PRKN: variants seen among roughly 807,000 people sequenced by gnomAD.
PRKN encodes E3 ubiquitin-protein ligase parkin.
PRKN carries 56 observed loss-of-function variants against 59.5 expected under a neutral mutation model. The observed-to-expected ratio is 0.94, with a 90% confidence interval of 0.76 to 1.18. The LOEUF (loss-of-function observed/expected upper bound fraction) is 1.18. Ranked by LOEUF, PRKN falls within the 50% of genes most tolerant of loss-of-function variation. PRKN has a pLI of 0.00. For synonymous variants in PRKN, 250 were observed against 222.1 expected, an observed-to-expected ratio of 1.13 and a Z score of -1.12; for missense variants, 657 against 596.4, an observed-to-expected ratio of 1.10 and a Z score of -1.06.
intron 2 of PRKN, among the ~76,000 whole-genome samples, chr6:162,322,975 A>G (rs1783094519): frequency 6.6e-6 from 1 of 150,834 alleles, no homozygotes; most frequent in Non-Finnish European, 1.5e-5. Context: ...ACAAGAATGA[A>G]AAACCAAACA....
chr6:162,631,475 T>C (rs1340185415), intron 1 of PRKN, among the ~76,000 whole-genome samples: 1 of 152,238 alleles, frequency 6.6e-6, no homozygotes, highest in Non-Finnish European at 1.5e-5. Flanking sequence ...GGTTTGTTGG[T>C]AGCTTGCATG....
intron 3 of PRKN, among the ~76,000 whole-genome samples, chr6:162,244,749 G>C (rs1257091147): frequency 1.3e-5 from 2 of 152,074 alleles, no homozygotes; most frequent in Non-Finnish European, 2.9e-5. Context: ...AAATCATGAT[G>C]ACTCTAATGA....
intron 2 of PRKN, among the ~76,000 whole-genome samples, chr6:162,384,647 TAAA>T (rs774251208): frequency 1.1e-5 from 1 of 93,434 alleles, no homozygotes; most frequent in Non-Finnish European, 2.3e-5. Flanking sequence ...CTTCAATTTG[TAAA>T]AAAAAAAAAA....
chr6:161,640,109 C>T (rs1031791465), intron 7 of PRKN, among the ~76,000 whole-genome samples: 2 of 152,150 alleles, frequency 1.3e-5, no homozygotes, highest in African/African-American at 4.8e-5. Flanking sequence ...ATTCTTCTTT[C>T]ACACTTTTTG....
Position 162,700,200 on chromosome 6 carries a change from T to A in PRKN, c.7+27462A>T, listed in dbSNP as rs1290431980. Reference sequence around the variant, plus strand: ...TGCAATTGCCCCATGCTTAGGCATGTTAAACAAATTTGTAAGTCTTCTTCT... The same window carrying A: ...TGCAATTGCCCCATGCTTAGGCATGATAAACAAATTTGTAAGTCTTCTTCT... On this transcript the variant is annotated intron_variant, in intron 1 of 11. Coordinates refer to ENST00000366898, the MANE Select transcript of PRKN (RefSeq NM_004562.3). 2.0e-5 allele frequency among the ~76,000 whole-genome samples: 3 copies of A among 152,196 alleles called. No individual in the cohort carries two copies. The East Asian group carries it at 5.8e-4, about 29-fold the overall frequency.
At chr6:162,231,615 C>T (rs1778419401) in intron 3 of PRKN, among the ~76,000 whole-genome samples, 1 of 152,116 alleles carries the variant, frequency 6.6e-6, no homozygotes, top group African/African-American at 2.4e-5. Context: ...ACAATTTGAT[C>T]ATTTGGGAAA....
chr6:162,259,437 A>G (rs1779792293), intron 3 of PRKN, among the ~76,000 whole-genome samples: 1 of 152,110 alleles, frequency 6.6e-6, no homozygotes, highest in Middle Eastern at 3.2e-3. Flanking sequence ...CAGAAAAAGA[A>G]TGAAAGAAGA....
At chr6:161,509,549 C>T (rs1445017239) in intron 9 of PRKN, among the ~76,000 whole-genome samples, 1 of 151,652 alleles carries the variant, frequency 6.6e-6, no homozygotes, top group Non-Finnish European at 1.5e-5. Context: ...CATGAGAATG[C>T]CCATCTAGTG....
rs1198392647 is a variant in PRKN, at chr6:161,487,779, C to A, written c.1083+61075G>T. ...GCTCATTGCTTTGGGCATACCCTGCCTCCAGCATGAAGTCTGGCACTAGGA... is the reference window on the plus strand; with the variant it reads ...GCTCATTGCTTTGGGCATACCCTGCATCCAGCATGAAGTCTGGCACTAGGA... On this transcript the variant is annotated intron_variant, in intron 9 of 11. Transcript: ENST00000366898. This position sits in a 1 kb window ranked among gnomAD's most constrained non-coding sequence, Gnocchi z 5.3. Among the ~76,000 whole-genome samples the A allele has an allele frequency of 3.9e-5, 6 of 152,152 alleles. No individual in the cohort carries two copies. Among genetic ancestry groups the A allele is most frequent in the Admixed American group, 1.3e-4 (2 of 15,278 alleles).
Position 161,384,433 on chromosome 6 carries a change from C to A in PRKN, c.1167+2361G>T, listed in dbSNP as rs552294176. On this transcript the variant is annotated intron_variant, in intron 10 of 11. Transcript: ENST00000366898. The stretch of plus-strand genomic sequence containing the variant: ...TGGCATGTGCCTGCAGTTCCAGTTA[C>A]TTGGGAGGCTGAGGTGGCAGGGTTG... Among the ~76,000 whole-genome samples, 7 of 151,976 alleles carry A rather than the reference C, an allele frequency of 4.6e-5. No homozygotes were observed. The South Asian group carries it at 1.5e-3, about 32-fold the overall frequency.
chr6:162,294,879 T>C, intron 2 of PRKN, among the ~76,000 whole-genome samples: 1 of 152,324 alleles, frequency 6.6e-6, no homozygotes, highest in East Asian at 1.9e-4. Flanking sequence ...ACTGAAATAC[T>C]GCACTCACTT....
intron 1 of PRKN, chr6:162,624,427 C>T (rs1222934319): frequency 6.6e-6 from 1 of 151,874 alleles, no homozygotes; most frequent in Non-Finnish European, 1.5e-5. Flanking sequence ...TCCATGTAAC[C>T]ACAGCAATGC....
intron 2 of PRKN, among the ~76,000 whole-genome samples, chr6:162,306,399 G>A (rs1010020601): frequency 6.6e-6 from 1 of 152,158 alleles, no homozygotes; most frequent in Admixed American, 6.5e-5. Flanking sequence ...TCCAATATGA[G>A]TAATTACTTC....
intron 9 of PRKN, among the ~76,000 whole-genome samples, chr6:161,430,734 G>A (rs924856365): frequency 6.8e-5 from 10 of 147,276 alleles, no homozygotes; most frequent in African/African-American, 2.5e-4. Context: ...AGAATGGCGT[G>A]AACCTGGGAG....
chr6:162,626,814 CA>C (rs5881483), intron 1 of PRKN, among the ~76,000 whole-genome samples: 98,588 of 133,790 alleles, frequency 0.74, 34,859 homozygotes, highest in African/African-American at 0.77. Context: ...ACTCTGTCTC[CA>C]AAAAAAAAAA....
intron 4 of PRKN, among the ~76,000 whole-genome samples, chr6:162,110,492 G>A (rs920421140): frequency 5.9e-5 from 9 of 152,318 alleles, no homozygotes; most frequent in African/African-American, 1.9e-4. Context: ...GTTCTTTAAA[G>A]AAGAATGCTA....
intron 1 of PRKN, among the ~76,000 whole-genome samples, chr6:162,570,852 A>G (rs1307547241): frequency 1.3e-5 from 2 of 152,146 alleles, no homozygotes; most frequent in Non-Finnish European, 2.9e-5. Context: ...AATAGAATGA[A>G]TAAGACCTAC....
rs1012338779 is a variant in PRKN at position 161,538,459 on chromosome 6, C to T, written c.1083+10395G>A. On this transcript the variant is annotated intron_variant, in intron 9 of 11. Coordinates refer to ENST00000366898, the MANE Select transcript of PRKN (RefSeq NM_004562.3). The surrounding 1 kb of genome is among the most constrained non-coding windows in gnomAD (Gnocchi z 4.2). ...GCCTGTATGGTAGGCTTGGATAGCT[C>T]TGCCAGGTGTACCTCCTAAGGACCT... Among the ~76,000 whole-genome samples, 25 of 152,116 alleles carry T rather than the reference C, an allele frequency of 1.6e-4. No homozygotes were observed. Among genetic ancestry groups the T allele is most frequent in the African/African-American group, 4.8e-5 (2 of 41,412 alleles).
rs538716074 is a variant in PRKN at position 161,348,903 on chromosome 6, A to T, written c.*1196T>A. ...TGTGAATGGCTGAAAAAAAAGCTGA[A>T]AGTTTGATTGAACTGAAATCCAATC... On this transcript the variant is annotated 3_prime_UTR_variant, in exon 12 of 12. Transcript: ENST00000366898. The surrounding 1 kb of genome is among the most constrained non-coding windows in gnomAD (Gnocchi z 4.9). 2.4e-5 allele frequency: 5 copies of T among 204,624 alleles called. No homozygotes were observed. The highest frequency in any genetic ancestry group is 4.0e-5 in the Non-Finnish European group (4 of 99,956). 12.7% of individuals were successfully genotyped at this position (204,624 alleles called of 1,614,324 possible). A position where few individuals can be genotyped will look rare whatever the true frequency, so the allele number is the denominator to read the frequency against.
Sources: allele counts gnomAD v4.1 joint callset (sites outside exome capture counted in the v4.1 genomes callset), GRCh38; gene constraint gnomAD v4.1.1; non-coding constraint Gnocchi (gnomAD v3.1); transcripts MANE v1.5; gene names NCBI Gene and HGNC (gene_info 2026-07-23, HGNC 2026-07-21).